The following SORCS2 variants were observed in gnomAD, a reference collection of about 807,000 sequenced individuals.
SORCS2 encodes the protein VPS10 domain-containing receptor SorCS2.
Under a neutral mutation model 141.6 loss-of-function variants are expected in SORCS2, and 100 were observed. That is an observed-to-expected ratio of 0.71 (90% CI 0.60 to 0.83). The LOEUF (loss-of-function observed/expected upper bound fraction) is 0.83, where lower values mean the gene tolerates loss of function less well. Among genes scored for constraint, SORCS2 ranks in the 40% least tolerant of loss-of-function variants. The pLI, the probability that SORCS2 is intolerant of heterozygous loss-of-function variation, is 0.00. For missense variants in SORCS2, 1,646 were observed against 1,560.2 expected, an observed-to-expected ratio of 1.05 and a Z score of -0.93; for synonymous variants, 789 against 676.9, an observed-to-expected ratio of 1.17 and a Z score of -2.57.
chr4:7,512,231 C>T (rs1732701966), intron 2 of SORCS2, among the ~76,000 whole-genome samples: 1 of 152,000 alleles, frequency 6.6e-6, no homozygotes, highest in African/African-American at 2.4e-5. Context: ...CAGCCATGCC[C>T]AAGGCATCTC....
chr4:7,314,829 T>TG (rs1560185676), intron 1 of SORCS2, among the ~76,000 whole-genome samples: 1 of 116,516 alleles, frequency 8.6e-6, no homozygotes, highest in African/African-American at 3.5e-5. Context: ...TTTTTTTTTT[T>TG]ATTGTTGTTG....
intron 9 of SORCS2, among the ~76,000 whole-genome samples, chr4:7,679,882 A>G (rs910410775): frequency 8.6e-5 from 13 of 151,842 alleles, no homozygotes; most frequent in African/African-American, 3.1e-4. Flanking sequence ...CTTGGCCTAT[A>G]TCTGGATCCG....
intron 2 of SORCS2, among the ~76,000 whole-genome samples, chr4:7,526,273 C>T (rs1044997154): frequency 2.6e-5 from 4 of 152,222 alleles, no homozygotes; most frequent in Non-Finnish European, 5.9e-5. Flanking sequence ...TCCAGACCGG[C>T]GTGTCCCTTA....
chr4:7,407,111 A>T (rs574425977), intron 2 of SORCS2, among the ~76,000 whole-genome samples: 1 of 152,264 alleles, frequency 6.6e-6, no homozygotes, highest in South Asian at 2.1e-4. Context: ...GATATGGTCT[A>T]TTCTGGAGAA....
intron 2 of SORCS2, among the ~76,000 whole-genome samples, chr4:7,501,277 T>C (rs1032717866): frequency 6.6e-6 from 1 of 152,230 alleles, no homozygotes; most frequent in Non-Finnish European, 1.5e-5. Flanking sequence ...CAAAGAACCT[T>C]GCTCTGTTCT....
intron 18 of SORCS2, among the ~76,000 whole-genome samples, chr4:7,722,914 T>TGGGC (rs1726691116): frequency 1.3e-5 from 2 of 152,156 alleles, no homozygotes; most frequent in African/African-American, 4.8e-5. Flanking sequence ...AGGAAACGGT[T>TGGGC]TCCTCGTGCC....
intron 3 of SORCS2, among the ~76,000 whole-genome samples, chr4:7,533,228 C>T (rs1225674504): frequency 6.6e-6 from 1 of 152,208 alleles, no homozygotes; most frequent in African/African-American, 2.4e-5. Flanking sequence ...GTTGTCCAGG[C>T]TTGGCAGCAG....
intron 3 of SORCS2, among the ~76,000 whole-genome samples, chr4:7,605,017 A>C (rs1474988479): frequency 6.6e-6 from 1 of 152,238 alleles, no homozygotes; most frequent in African/African-American, 2.4e-5. Flanking sequence ...CTCAAACCAG[A>C]GTGACTTAAT....
At chr4:7,514,045 C>T (rs755552687) in intron 2 of SORCS2, among the ~76,000 whole-genome samples, 2 of 152,148 alleles carry the variant, frequency 1.3e-5, no homozygotes, top group Non-Finnish European at 2.9e-5. Context: ...TTTCAGCAAA[C>T]TTTCACTGAC....
chr4:7,270,022 A>G (rs1209745592), intron 1 of SORCS2, among the ~76,000 whole-genome samples: 2 of 152,154 alleles, frequency 1.3e-5, no homozygotes, highest in African/African-American at 4.8e-5. Context: ...TGAGACTACA[A>G]GTGCCTGCCA....
intron 1 of SORCS2, among the ~76,000 whole-genome samples, chr4:7,275,302 G>T (rs1490873734): frequency 1.3e-5 from 2 of 152,144 alleles, no homozygotes; most frequent in East Asian, 3.9e-4. Context: ...AGGGCTGTAG[G>T]GTTGAGGGCT....
chr4:7,621,774 A>G (rs1235334813), intron 3 of SORCS2, among the ~76,000 whole-genome samples: 1 of 152,246 alleles, frequency 6.6e-6, no homozygotes, highest in Non-Finnish European at 1.5e-5. Context: ...CTTCCCTGTC[A>G]CCAGCTCGGC....
chr4:7,298,891 C>T (rs1431581328), intron 1 of SORCS2, among the ~76,000 whole-genome samples: 1 of 152,240 alleles, frequency 6.6e-6, no homozygotes, highest in African/African-American at 2.4e-5. Flanking sequence ...CCCGCAAGCC[C>T]GCCTCCATTC....
At position 7,415,455 on chromosome 4, in the gene SORCS2, C is replaced by T. The variant is rs1430142250; in HGVS notation, c.548+19100C>T. On this transcript the variant is annotated intron_variant, in intron 2 of 26. Transcript: ENST00000507866. ...CTCTGACCCTTTTTTTGTTGTCCCA[C>T]ATTGTTCTCTGACCACAGCCAGAAA... 2.6e-5 allele frequency among the ~76,000 whole-genome samples: 4 copies of T among 152,350 alleles called. No homozygotes were observed. The East Asian group carries it at 5.8e-4, about 22-fold the overall frequency.
chr4:7,302,927 G>A (rs1546267), intron 1 of SORCS2, among the ~76,000 whole-genome samples: 80,364 of 151,978 alleles, frequency 0.53, 22,054 homozygotes, highest in South Asian at 0.66. Context: ...TCACACATTC[G>A]TAATTGAGGT....
At chr4:7,411,234 A>G (rs530943726) in intron 2 of SORCS2, among the ~76,000 whole-genome samples, 20 of 152,058 alleles carry the variant, frequency 1.3e-4, no homozygotes, top group Admixed American at 7.9e-4. Context: ...GATTGCAGGC[A>G]TGAGCCACTG....
At chr4:7,710,289 G>T (rs1184988555) in intron 14 of SORCS2, among the ~76,000 whole-genome samples, 1 of 152,186 alleles carries the variant, frequency 6.6e-6, no homozygotes, top group Non-Finnish European at 1.5e-5. Flanking sequence ...AAGCTGTGCT[G>T]CCCTGGCCGG....
chr4:7,472,025 G>A (rs1008675129), intron 2 of SORCS2, among the ~76,000 whole-genome samples: 8 of 152,248 alleles, frequency 5.3e-5, no homozygotes, highest in African/African-American at 1.9e-4. Flanking sequence ...CTTCGACCCT[G>A]ACCTCTCTGA....
chr4:7,397,715 T>C lies in SORCS2; in HGVS notation c.548+1360T>C, dbSNP rs146693638. Among the ~76,000 whole-genome samples, 696 of 152,248 alleles carry C rather than the reference T, an allele frequency of 4.6e-3. 4 individuals are homozygous for C. The highest frequency in any genetic ancestry group is 8.0e-3 in the Non-Finnish European group (545 of 68,012). Reference sequence around the variant, plus strand: ...GCTCCGTGGGCCCTGTGAAATGTCATTGCTGCTCTTTGAAAATGTATGTTC... The same window carrying C: ...GCTCCGTGGGCCCTGTGAAATGTCACTGCTGCTCTTTGAAAATGTATGTTC... On this transcript the variant is annotated intron_variant, in intron 2 of 26. Transcript: ENST00000507866.
Sources: allele counts gnomAD v4.1 joint callset (sites outside exome capture counted in the v4.1 genomes callset), GRCh38; gene constraint gnomAD v4.1.1; transcripts MANE v1.5; gene names NCBI Gene and HGNC (gene_info 2026-07-23, HGNC 2026-07-21).